KCNAB1: variants seen among roughly 807,000 people sequenced by gnomAD.
KCNAB1 encodes the protein voltage-gated potassium channel subunit beta-1.
Under a neutral mutation model 64.6 loss-of-function variants are expected in KCNAB1, and 35 were observed. The ratio of observed to expected loss-of-function variants is 0.54; its 90% CI spans 0.41 to 0.72. The LOEUF is 0.72. KCNAB1 is among the 30% of genes least tolerant of loss of function. The pLI is 0.00. For synonymous variants in KCNAB1, 177 were observed against 183.8 expected (o/e 0.96, Z 0.30); for missense variants, 401 against 512.9 (o/e 0.78, Z 2.11).
chr3:156,151,387 T>C (rs1715402068), intron 1 of KCNAB1, among the ~76,000 whole-genome samples: 1 of 152,182 alleles, frequency 6.6e-6, no homozygotes, highest in African/African-American at 2.4e-5. Flanking sequence ...GTCTGCAAAA[T>C]ATATCATCCA....
chr3:156,158,878 T>A (rs1715912227), intron 1 of KCNAB1, among the ~76,000 whole-genome samples: 1 of 152,192 alleles, frequency 6.6e-6, no homozygotes, highest in Non-Finnish European at 1.5e-5. Context: ...TGGCTTATGA[T>A]TCTTTAGTTT....
intron 1 of KCNAB1, among the ~76,000 whole-genome samples, chr3:156,386,597 C>T (rs1214354491): frequency 3.3e-5 from 5 of 152,188 alleles, no homozygotes; most frequent in Non-Finnish European, 7.3e-5. Context: ...CAAACCATCA[C>T]CCGACATTCC....
intron 1 of KCNAB1, chr3:156,292,033 G>C (rs781537516): frequency 1.2e-6 from 2 of 1,614,098 alleles, no homozygotes; most frequent in South Asian, 1.1e-5. Flanking sequence ...AATTCCGCAC[G>C]GTCGCTATCA....
At chr3:156,167,069 A>T (rs979939059) in intron 1 of KCNAB1, among the ~76,000 whole-genome samples, 1 of 152,190 alleles carries the variant, frequency 6.6e-6, no homozygotes, top group African/African-American at 2.4e-5. Context: ...GACAGAGTCC[A>T]TGGGACCCCA....
At chr3:156,291,231 G>A in intron 1 of KCNAB1, 1 of 986,656 alleles carries the variant, frequency 1.0e-6, no homozygotes, top group Non-Finnish European at 1.2e-6. Context: ...TGTCGGTGCA[G>A]GCTCAGCAAC....
chr3:156,439,505 C>A (rs1206828556), intron 2 of KCNAB1, among the ~76,000 whole-genome samples: 1 of 152,194 alleles, frequency 6.6e-6, no homozygotes, highest in Non-Finnish European at 1.5e-5. Context: ...ACAGCCCTGT[C>A]CTTGCCAAGC....
At chr3:156,354,896 A>G (rs1320248675) in intron 1 of KCNAB1, among the ~76,000 whole-genome samples, 1 of 152,168 alleles carries the variant, frequency 6.6e-6, no homozygotes, top group Non-Finnish European at 1.5e-5. Context: ...AAAATTTGTG[A>G]CCTTATTAAG....
chr3:156,233,460 TGGAG>T (rs1217388704), intron 1 of KCNAB1, among the ~76,000 whole-genome samples: 2 of 152,036 alleles, frequency 1.3e-5, no homozygotes, highest in African/African-American at 4.8e-5. Flanking sequence ...TGGGTGAGGC[TGGAG>T]GGAGAGGGCA....
At chr3:156,224,520 A>G (rs1217765919) in intron 1 of KCNAB1, among the ~76,000 whole-genome samples, 3 of 152,228 alleles carry the variant, frequency 2.0e-5, no homozygotes, top group Admixed American at 6.5e-5. Context: ...AGAGCTGGAG[A>G]AACAAGGACA....
chr3:156,249,925 C>T (rs1205990865), intron 1 of KCNAB1, among the ~76,000 whole-genome samples: 4 of 152,158 alleles, frequency 2.6e-5, no homozygotes, highest in Non-Finnish European at 5.9e-5. Context: ...AAAAACTGAC[C>T]ACTGGATTTG....
At chr3:156,305,949 T>A (rs1721464972) in intron 1 of KCNAB1, among the ~76,000 whole-genome samples, 1 of 152,136 alleles carries the variant, frequency 6.6e-6, no homozygotes, top group African/African-American at 2.4e-5. Flanking sequence ...AGAATGTGGG[T>A]CAGCATAAGG....
rs543638756 is a variant in KCNAB1, at chr3:156,245,685, G to A, written c.275+124799G>A. Among the ~76,000 whole-genome samples the A allele has an allele frequency of 2.0e-4, 31 of 152,240 alleles. 1 individual carries two copies. The East Asian group carries it at 5.4e-3, about 27-fold the overall frequency. On this transcript the variant is annotated intron_variant, in intron 1 of 13. Transcript: ENST00000490337. ...AAAGCTGAATGACTGGAAACGTAAC[G>A]AAAAGTATCTTGAACTTGCAAACAA...
chr3:156,238,198 G>A (rs149551954), intron 1 of KCNAB1, among the ~76,000 whole-genome samples: 3,259 of 152,106 alleles, frequency 0.021, 120 homozygotes, highest in African/African-American at 0.075. Flanking sequence ...CCGAGGCGGC[G>A]GATCACGAGG....
At chr3:156,341,504 C>A (rs1232767932) in intron 1 of KCNAB1, among the ~76,000 whole-genome samples, 1 of 152,212 alleles carries the variant, frequency 6.6e-6, no homozygotes, top group African/African-American at 2.4e-5. Context: ...GTCATTCCCC[C>A]CTCTTGCTAC....
At chr3:156,294,638 A>G (rs1191671568) in intron 1 of KCNAB1, among the ~76,000 whole-genome samples, 1 of 152,246 alleles carries the variant, frequency 6.6e-6, no homozygotes, top group Non-Finnish European at 1.5e-5. Context: ...ATACAAAAAT[A>G]ATGCCATAGA....
chr3:156,428,533 A>C (rs112157599), intron 2 of KCNAB1, among the ~76,000 whole-genome samples: 51 of 143,132 alleles, frequency 3.6e-4, no homozygotes, highest in African/African-American at 7.1e-4. Context: ...ACACACACAC[A>C]CCCTATTGGT....
chr3:156,380,231 G>A (rs1712048073), intron 1 of KCNAB1, among the ~76,000 whole-genome samples: 1 of 152,192 alleles, frequency 6.6e-6, no homozygotes, highest in African/African-American at 2.4e-5. Flanking sequence ...CAGAAAACCA[G>A]GGTGACAACA....
intron 2 of KCNAB1, among the ~76,000 whole-genome samples, chr3:156,445,111 C>A (rs1045597679): frequency 6.6e-6 from 1 of 152,154 alleles, no homozygotes; most frequent in African/African-American, 2.4e-5. Flanking sequence ...ACATGGCCAA[C>A]ATGGTGAAAC....
intron 1 of KCNAB1, chr3:156,273,639 C>T (rs768716286): frequency 8.8e-6 from 4 of 456,180 alleles, no homozygotes; most frequent in South Asian, 6.2e-5. Context: ...TTCCTACTCT[C>T]TTCACTGCCT....
Sources: allele counts gnomAD v4.1 joint callset (sites outside exome capture counted in the v4.1 genomes callset), GRCh38; gene constraint gnomAD v4.1.1; transcripts MANE v1.5; gene names NCBI Gene and HGNC (gene_info 2026-07-23, HGNC 2026-07-21).